RNF130: variants seen among roughly 807,000 people sequenced by gnomAD.
The protein encoded by RNF130 is ring finger protein 130.
RNF130 carries 21 observed loss-of-function variants against 44.6 expected under a neutral mutation model. The ratio of observed to expected loss-of-function variants is 0.47; its 90% CI spans 0.33 to 0.68. The LOEUF (loss-of-function observed/expected upper bound fraction) is 0.68. Ranked by LOEUF, RNF130 falls within the 30% of genes least tolerant of loss-of-function variation. The pLI is 0.02. For missense variants in RNF130, 479 were observed against 560.6 expected (o/e 0.85, Z 1.47); for synonymous variants, 214 against 210.4 (o/e 1.02, Z -0.15).
intron 1 of RNF130, among the ~76,000 whole-genome samples, chr5:180,046,511 C>G (rs556356801): frequency 3.9e-5 from 6 of 152,324 alleles, no homozygotes; most frequent in African/African-American, 1.4e-4. Context: ...CTAAGGGTTT[C>G]CTTCCTACCC....
intron 2 of RNF130, among the ~76,000 whole-genome samples, chr5:180,031,094 T>C (rs1417816272): frequency 6.6e-6 from 1 of 152,270 alleles, no homozygotes; most frequent in Non-Finnish European, 1.5e-5. Flanking sequence ...ATTTCCTTAA[T>C]AACATTTTCT....
Position 179,980,174 on chromosome 5 carries a change from T to C in RNF130, c.720A>G (p.Lys240=), listed in dbSNP as rs776993916. 4 of 1,614,048 alleles carry C rather than the reference T, an allele frequency of 2.5e-6. No individual in the cohort carries two copies. The highest frequency in any genetic ancestry group is 4.5e-5 in the East Asian group (2 of 44,878). The part of the protein sequence containing the change: ...NQRRLGDAAK[K]AISKLTTRTV... Reference sequence around the variant, plus strand: ...TCCTGGTTGTCAATTTACTGATGGCTTTCTTGGCTGCATCTCCGAGACGAC... The same window carrying C: ...TCCTGGTTGTCAATTTACTGATGGCCTTCTTGGCTGCATCTCCGAGACGAC... The change falls in exon 4 of 9, where the codon AAA becomes AAG. Residue 240 remains lysine, a synonymous_variant. Coordinates refer to ENST00000521389, the MANE Select transcript of RNF130 (RefSeq NM_018434.6).
chr5:179,977,187 G>A lies in RNF130; in HGVS notation c.848+1016C>T, dbSNP rs1762731318. The A allele has an allele frequency of 6.6e-6, 1 of 152,234 alleles. No homozygotes were observed. Among genetic ancestry groups the A allele is most frequent in the African/African-American group, 2.4e-5 (1 of 41,434 alleles). The allele number at this position is 152,234 out of a possible 1,614,324, so 9.4% of individuals were successfully genotyped here. A position where few individuals can be genotyped will look rare whatever the true frequency, so the allele number is the denominator to read the frequency against. ...GAAAACACACCCTCTTAGGACTGCT[G>A]GGAGAATTATAGGAGACAGTGAGTA... On this transcript the variant is annotated intron_variant, in intron 5 of 8. Coordinates refer to ENST00000521389, the MANE Select transcript of RNF130 (RefSeq NM_018434.6). The surrounding 1 kb of genome is among the most constrained non-coding windows in gnomAD (Gnocchi z 4.1).
chr5:180,017,219 T>C (rs1040454497), intron 2 of RNF130, among the ~76,000 whole-genome samples: 3 of 152,208 alleles, frequency 2.0e-5, no homozygotes, highest in Admixed American at 2.0e-4. Context: ...TCCTAATGAT[T>C]AGATCTCCAA....
intron 1 of RNF130, among the ~76,000 whole-genome samples, chr5:180,042,589 C>T (rs1764448110): frequency 6.6e-6 from 1 of 152,230 alleles, no homozygotes; most frequent in South Asian, 2.1e-4. Context: ...ATAAAAGCAG[C>T]TCAGTGACCT....
At chr5:180,044,011 C>T (rs1009674837) in intron 1 of RNF130, among the ~76,000 whole-genome samples, 1 of 152,112 alleles carries the variant, frequency 6.6e-6, no homozygotes, top group Non-Finnish European at 1.5e-5. Flanking sequence ...ATGAAAACAA[C>T]GGTTCTATAA....
chr5:179,937,744 C>T (rs1761913069), intron 7 of RNF130, among the ~76,000 whole-genome samples: 1 of 152,046 alleles, frequency 6.6e-6, no homozygotes, highest in South Asian at 2.1e-4. Flanking sequence ...CAGATTCCTG[C>T]AAACCAATGT....
At chr5:180,012,560 T>C (rs1291054507) in intron 3 of RNF130, among the ~76,000 whole-genome samples, 1 of 152,146 alleles carries the variant, frequency 6.6e-6, no homozygotes, top group Admixed American at 6.6e-5. Flanking sequence ...ACAGACATCT[T>C]CTATTGGTCT....
At chr5:179,966,212 A>G (rs1351241973) in intron 7 of RNF130, among the ~76,000 whole-genome samples, 1 of 152,210 alleles carries the variant, frequency 6.6e-6, no homozygotes, top group African/African-American at 2.4e-5. Context: ...GAAGACGTTC[A>G]TAACTAGCTC....
chr5:179,970,529 G>A lies in RNF130; in HGVS notation c.849-23C>T, dbSNP rs1762557379. ...TGCCTATAAAATAATGGAGAATTATGTCACAAGTTACATACCAAGAAACTT... is the reference window on the plus strand; with the variant it reads ...TGCCTATAAAATAATGGAGAATTATATCACAAGTTACATACCAAGAAACTT... On this transcript the variant is annotated intron_variant, in intron 5 of 8. Transcript: ENST00000521389. 2.6e-6 allele frequency: 4 copies of A among 1,562,216 alleles called. No homozygotes were observed. The African/African-American group carries it at 5.4e-5, about 21-fold the overall frequency.
intron 2 of RNF130, among the ~76,000 whole-genome samples, chr5:180,014,697 T>G (rs976165493): frequency 3.3e-5 from 5 of 152,180 alleles, no homozygotes; most frequent in Non-Finnish European, 7.3e-5. Context: ...GAAAAGAAAT[T>G]CAACAGGGCT....
chr5:179,957,091 C>T (rs1762228736), intron 8 of RNF130, among the ~76,000 whole-genome samples: 1 of 152,166 alleles, frequency 6.6e-6, no homozygotes, highest in East Asian at 1.9e-4. Flanking sequence ...ATTTAGTTTT[C>T]AAATCTACTT....
At chr5:179,963,025 A>G (rs1166140921) in intron 8 of RNF130, among the ~76,000 whole-genome samples, 2 of 152,236 alleles carry the variant, frequency 1.3e-5, no homozygotes, top group Non-Finnish European at 2.9e-5. Context: ...CTGCAGGCCA[A>G]GTACCCAAGG....
At position 179,977,568 on chromosome 5, in the gene RNF130, A is replaced by T. The variant is rs895818398; in HGVS notation, c.848+635T>A. On this transcript the variant is annotated intron_variant, in intron 5 of 8. Transcript: ENST00000521389. This position sits in a 1 kb window ranked among gnomAD's most constrained non-coding sequence, Gnocchi z 4.1. ...AGTGAGAACCCCATCTTTAAAGAAA[A>T]CAGGCCGGGTGCGGTGGCTCACGCC... is the stretch of plus-strand genomic sequence containing the variant. Among the ~76,000 whole-genome samples, 1 of 152,178 alleles carries T rather than the reference A, an allele frequency of 6.6e-6. No individual in the cohort carries two copies. Among genetic ancestry groups the T allele is most frequent in the African/African-American group, 2.4e-5 (1 of 41,450 alleles).
chr5:179,969,672 G>A (rs1014796858), intron 6 of RNF130, among the ~76,000 whole-genome samples: 11 of 151,324 alleles, frequency 7.3e-5, no homozygotes, highest in African/African-American at 7.3e-5. Flanking sequence ...GTTGAGACCC[G>A]CCTGAACATC....
intron 5 of RNF130, chr5:179,976,910 C>CTA (rs1762726527): frequency 1.3e-5 from 2 of 152,132 alleles, no homozygotes; most frequent in South Asian, 4.1e-4. Context: ...AGGTGATTTC[C>CTA]TATTTATCCA....
intron 8 of RNF130, among the ~76,000 whole-genome samples, chr5:179,962,813 C>T (rs756073304): frequency 6.6e-6 from 1 of 152,092 alleles, no homozygotes; most frequent in African/African-American, 2.4e-5. Context: ...CAGTCCTGAG[C>T]GTGCCCTACA....
chr5:179,982,401 T>C (rs1762859274), intron 3 of RNF130, among the ~76,000 whole-genome samples: 1 of 152,052 alleles, frequency 6.6e-6, no homozygotes, highest in Non-Finnish European at 1.5e-5. Flanking sequence ...CTGAGGTAAA[T>C]ACTGCAAGTA....
intron 1 of RNF130, among the ~76,000 whole-genome samples, chr5:180,060,063 G>T (rs1279536306): frequency 6.6e-6 from 1 of 152,168 alleles, no homozygotes; most frequent in Non-Finnish European, 1.5e-5. Flanking sequence ...TTGAAGATGG[G>T]GGAAGGGGCC....
Sources: allele counts gnomAD v4.1 joint callset (sites outside exome capture counted in the v4.1 genomes callset), GRCh38; gene constraint gnomAD v4.1.1; non-coding constraint Gnocchi (gnomAD v3.1); transcripts MANE v1.5; gene names NCBI Gene and HGNC (gene_info 2026-07-23, HGNC 2026-07-21).